The following APLP2 variants were observed in gnomAD, a reference collection of about 807,000 sequenced individuals.
The protein encoded by APLP2 is amyloid beta precursor like protein 2.
APLP2 carries 53 observed loss-of-function variants against 89.9 expected under a neutral mutation model. That is an observed-to-expected ratio of 0.59 (90% CI 0.47 to 0.74). The LOEUF is 0.74. APLP2 is among the 30% of genes least tolerant of loss of function. The pLI, the probability that APLP2 is intolerant of heterozygous loss-of-function variation, is 0.00. For missense variants in APLP2, 973 were observed against 975.9 expected (o/e 1.00, Z 0.04); for synonymous variants, 372 against 348.6 (o/e 1.07, Z -0.75).
At chr11:130,094,856 G>C (rs758104461) in intron 1 of APLP2, among the ~76,000 whole-genome samples, 1 of 152,190 alleles carries the variant, frequency 6.6e-6, no homozygotes, top group Non-Finnish European at 1.5e-5. Context: ...AACTGGTCCA[G>C]ATGAAGCAGG....
chr11:130,109,676 A>G (rs1948293166), intron 2 of APLP2, 74 bp downstream of exon 2: 3 of 1,461,024 alleles, frequency 2.1e-6, no homozygotes, highest in Non-Finnish European at 2.8e-6. Flanking sequence ...TTAGAAATAG[A>G]TATTCTGTCA....
At chr11:130,140,997 C>T (rs1236099320) in intron 14 of APLP2, 5 of 154,206 alleles carry the variant, frequency 3.2e-5, no homozygotes, top group Non-Finnish European at 5.7e-5. Flanking sequence ...AGCTCCACCT[C>T]CCGGGTTCAC....
At chr11:130,110,511 TTG>T (rs567698773) in intron 2 of APLP2, 25 bp from the exon 3 acceptor site, 5 of 1,610,580 alleles carry the variant, frequency 3.1e-6, no homozygotes, top group East Asian at 4.5e-5. Context: ...GATTGATTTA[TTG>T]TGTGTGTGTT....
chr11:130,091,750 C>T (rs867591791), intron 1 of APLP2, among the ~76,000 whole-genome samples: 4,401 of 132,024 alleles, frequency 0.033, 5 homozygotes, highest in African/African-American at 0.081. Flanking sequence ...CCGGACGGCA[C>T]GGCTGGCCAG....
intron 11 of APLP2, among the ~76,000 whole-genome samples, chr11:130,133,125 C>G (rs1182657434): frequency 7.1e-6 from 1 of 141,224 alleles, no homozygotes; most frequent in Non-Finnish European, 1.6e-5. Flanking sequence ...ATTATACAGT[C>G]TTTTTTTTTT....
rs1039551686 is a variant in APLP2, at chr11:130,134,279, C to T, written c.1684+551C>T. 2.6e-5 allele frequency among the ~76,000 whole-genome samples: 4 copies of T among 152,274 alleles called. No individual in the cohort carries two copies. In the South Asian group the frequency reaches 6.2e-4, roughly 24 times the overall value. On this transcript the variant is annotated intron_variant, in intron 12 of 16. Transcript: ENST00000338167. ...GTGCTGTGCAGTGTGAAAACTCGGG[C>T]AGAGTGCTAGAGAGTGGCCAGTCGG...
At chr11:130,129,923 A>G in intron 10 of APLP2, 115 bp from the exon 11 acceptor site, 2 of 1,234,846 alleles carry the variant, frequency 1.6e-6, no homozygotes, top group Non-Finnish European at 2.3e-6. Flanking sequence ...TACAGCTTTC[A>G]TTCTTGTGCC....
intron 11 of APLP2, among the ~76,000 whole-genome samples, chr11:130,130,691 C>G (rs1301561068): frequency 2.0e-5 from 3 of 152,200 alleles, no homozygotes; most frequent in African/African-American, 7.2e-5. Context: ...CTGCTAGCTT[C>G]CGTTTAAACC....
Position 130,144,224 on chromosome 11 carries a change from T to G in APLP2, c.*776T>G, listed in dbSNP as rs1335288249. 1 of 152,298 alleles carries G rather than the reference T, an allele frequency of 6.6e-6. No homozygotes were observed. Among genetic ancestry groups the G allele is most frequent in the Non-Finnish European group, 1.5e-5 (1 of 68,088 alleles). The allele number at this position is 152,298 out of a possible 1,614,324, so 9.4% of individuals were successfully genotyped here. A position where few individuals can be genotyped will look rare whatever the true frequency, so the allele number is the denominator to read the frequency against. On this transcript the variant is annotated 3_prime_UTR_variant, in exon 17 of 17. Coordinates refer to ENST00000338167, the MANE Select transcript of APLP2 (RefSeq NM_001142276.2). ...ATATTTGACATTCTTCACTGTCTGTTGTTTACCTACCGTAGCTTTTTACCG... is the reference window on the plus strand; with the variant it reads ...ATATTTGACATTCTTCACTGTCTGTGGTTTACCTACCGTAGCTTTTTACCG...
At chr11:130,085,469 A>C (rs1943960974) in intron 1 of APLP2, among the ~76,000 whole-genome samples, 1 of 151,960 alleles carries the variant, frequency 6.6e-6, no homozygotes, top group Admixed American at 6.6e-5. Context: ...AAACCAAAAA[A>C]CAAAACAAAA....
chr11:130,120,013 TTAATG>T (rs1949639177), intron 3 of APLP2, among the ~76,000 whole-genome samples: 1 of 152,248 alleles, frequency 6.6e-6, no homozygotes, highest in South Asian at 2.1e-4. Context: ...TGCCATTTGT[TTAATG>T]TAATGTCCCT....
chr11:130,102,219 T>C (rs1345307106), intron 1 of APLP2, among the ~76,000 whole-genome samples: 2 of 152,200 alleles, frequency 1.3e-5, no homozygotes, highest in African/African-American at 4.8e-5. Context: ...ATGAAAATAA[T>C]ATATAGGATT....
intron 3 of APLP2, 113 bp from the exon 4 acceptor site, chr11:130,120,593 G>C: frequency 2.7e-6 from 2 of 747,886 alleles, no homozygotes; most frequent in Non-Finnish European, 2.4e-6. Flanking sequence ...GCATCTGCTC[G>C]TATACATGAG....
chr11:130,076,078 CTGTT>C (rs1161433341), intron 1 of APLP2, among the ~76,000 whole-genome samples: 3 of 152,090 alleles, frequency 2.0e-5, no homozygotes, highest in Admixed American at 6.5e-5. Flanking sequence ...TTGGGCCTTT[CTGTT>C]TGTTTGTTTT....
chr11:130,125,207 A>AC (rs1950237779), intron 7 of APLP2, among the ~76,000 whole-genome samples: 1 of 152,098 alleles, frequency 6.6e-6, no homozygotes, highest in African/African-American at 2.4e-5. Context: ...TTCCACAGGG[A>AC]CCGAGGGTGT....
intron 12 of APLP2, among the ~76,000 whole-genome samples, chr11:130,134,532 C>T (rs1951324080): frequency 6.6e-6 from 1 of 152,168 alleles, no homozygotes; most frequent in South Asian, 2.1e-4. Flanking sequence ...GGATTTTATT[C>T]TAGGATAATG....
At chr11:130,101,973 CA>C (rs780015438) in intron 1 of APLP2, 11 of 456,262 alleles carry the variant, frequency 2.4e-5, no homozygotes, top group South Asian at 1.7e-4. Context: ...TCAGCACCCT[CA>C]AATGTCTCAT....
In APLP2 at chr11:130,141,531, A is replaced by T. The variant is rs202175881; in HGVS notation, c.1957A>T (p.Ile653Phe). Reference sequence around the variant, plus strand: ...CGAGACTCTGGATGTTAAGGAAATGATTTTCAATGCCGAGAGAGTTGGAGG... The same window carrying T: ...CGAGACTCTGGATGTTAAGGAAATGTTTTTCAATGCCGAGAGAGTTGGAGG... ...IDETLDVKEMIFNAERVGGLE... is the reference protein window; with the variant it reads ...IDETLDVKEMFFNAERVGGLE... The change falls in exon 15 of 17, where the codon ATT (isoleucine) becomes TTT (phenylalanine). Residue 653 changes from isoleucine to phenylalanine, a missense_variant. Physicochemically the swap from Ile to Phe is conservative, Grantham distance 21. Transcript: ENST00000338167. The surrounding 1 kb of genome is among the most constrained non-coding windows in gnomAD (Gnocchi z 4.2). 17 of 1,613,962 alleles carry T rather than the reference A, an allele frequency of 1.1e-5. No homozygotes were observed. The highest frequency in any genetic ancestry group is 1.4e-5 in the Non-Finnish European group (16 of 1,180,014).
Position 130,075,506 on chromosome 11 carries a change from C to T in APLP2, c.105+5424C>T, listed in dbSNP as rs150150038. ...AATGTGGATAGTGCTTTTTACTTTGCGAAACACACTCGTGTATGATTTCTA... is the reference window on the plus strand; with the variant it reads ...AATGTGGATAGTGCTTTTTACTTTGTGAAACACACTCGTGTATGATTTCTA... On this transcript the variant is annotated intron_variant, in intron 1 of 16. Coordinates refer to ENST00000338167, the MANE Select transcript of APLP2 (RefSeq NM_001142276.2). Among the ~76,000 whole-genome samples, 195 of 152,172 alleles carry T rather than the reference C, an allele frequency of 1.3e-3. 1 individual carries two copies. Among genetic ancestry groups the T allele is most frequent in the African/African-American group, 4.4e-3 (183 of 41,500 alleles).
Sources: allele counts gnomAD v4.1 joint callset (sites outside exome capture counted in the v4.1 genomes callset), GRCh38; gene constraint gnomAD v4.1.1; non-coding constraint Gnocchi (gnomAD v3.1); transcripts MANE v1.5; gene names NCBI Gene and HGNC (gene_info 2026-07-23, HGNC 2026-07-21).